PDE4C: variants seen among roughly 807,000 people sequenced by gnomAD.
PDE4C encodes the protein 3',5'-cyclic-AMP phosphodiesterase 4C.
In PDE4C, 50 loss-of-function variants were observed where a neutral mutation model predicts 63.9. The observed-to-expected ratio is 0.78, with a 90% confidence interval of 0.62 to 0.99. The LOEUF is 0.99. Ranked by LOEUF, PDE4C falls within the 50% of genes least tolerant of loss-of-function variation. The probability of loss-of-function intolerance (pLI) is 0.00; values close to 1 mark genes in which losing one functional copy is unlikely to be tolerated. For synonymous variants in PDE4C, 377 were observed against 385.1 expected, an observed-to-expected ratio of 0.98 and a Z score of 0.25; for missense variants, 777 against 899.1, an observed-to-expected ratio of 0.86 and a Z score of 1.74.
At chr19:18,216,701 C>G (rs2148014074) in intron 12 of PDE4C, 40 bp downstream of exon 12, 1 of 1,534,820 alleles carries the variant, frequency 6.5e-7, no homozygotes, top group East Asian at 2.3e-5. Context: ...TGCCCCGCTC[C>G]CCTCTGCCCC....
chr19:18,246,169 C>T (rs1969127381), intron 1 of PDE4C, among the ~76,000 whole-genome samples: 1 of 148,934 alleles, frequency 6.7e-6, no homozygotes, highest in South Asian at 2.2e-4. Flanking sequence ...GTGCCCGCCA[C>T]CACACCAGGC....
chr19:18,230,098 C>T (rs1968819987), upstream of PDE4C, among the ~76,000 whole-genome samples: 1 of 152,140 alleles, frequency 6.6e-6, no homozygotes, highest in Non-Finnish European at 1.5e-5. Flanking sequence ...GCCATGGATA[C>T]AACTTCACAT....
intron 1 of PDE4C, chr19:18,224,268 G>C: frequency 1.0e-6 from 1 of 985,546 alleles, no homozygotes; most frequent in Non-Finnish European, 1.2e-6. Flanking sequence ...GCAGGCGGAA[G>C]CGGCACCGAC....
intron 11 of PDE4C, 49 bp from the exon 12 acceptor site, chr19:18,216,944 C>G (rs767925992): frequency 1.3e-6 from 2 of 1,544,778 alleles, no homozygotes; most frequent in Admixed American, 2.0e-5. Flanking sequence ...GCCCCACCCA[C>G]TCTACCCAAA....
upstream of PDE4C, among the ~76,000 whole-genome samples, chr19:18,234,512 T>G (rs1283304061): frequency 1.3e-5 from 2 of 152,078 alleles, no homozygotes; most frequent in Admixed American, 6.6e-5. Flanking sequence ...GAAGTAGGCA[T>G]GAACAGCAGC....
intron 11 of PDE4C, chr19:18,217,169 TTC>T: frequency 1.1e-5 from 3 of 274,004 alleles, no homozygotes; most frequent in Non-Finnish European, 6.9e-6. Flanking sequence ...TTTTTTTTTT[TTC>T]TTTTTCTTTT....
upstream of PDE4C, chr19:18,226,535 G>C (rs1288035074): frequency 1.1e-5 from 8 of 718,356 alleles, no homozygotes; most frequent in South Asian, 2.1e-4. Flanking sequence ...CCTCGAGGCC[G>C]GCGGCTCCCT....
At chr19:18,254,170 G>C in the PDE4C span, among the ~76,000 whole-genome samples, 1 of 152,178 alleles carries the variant, frequency 6.6e-6, no homozygotes, top group Non-Finnish European at 1.5e-5. Flanking sequence ...AGTAGCAGAG[G>C]GTCTGGCCTG....
At chr19:18,251,900 T>G (rs759708064), upstream of PDE4C, among the ~76,000 whole-genome samples, 21 of 151,806 alleles carry the variant, frequency 1.4e-4, no homozygotes, top group Admixed American at 2.6e-4. Flanking sequence ...ACTAGGCACT[T>G]AATAAATGCG....
At chr19:18,212,185 AT>A (rs59840923) in intron 13 of PDE4C, among the ~76,000 whole-genome samples, 90,925 of 147,978 alleles carry the variant, frequency 0.61, 28,660 homozygotes, top group Non-Finnish European at 0.7. Flanking sequence ...GCCCTCTCCG[AT>A]TTTTTTTTTT....
intron 1 of PDE4C, chr19:18,225,801 G>C: frequency 6.3e-6 from 1 of 159,160 alleles, no homozygotes; most frequent in East Asian, 1.9e-4. Context: ...TGGACACCCA[G>C]AGTTCATTGT....
the PDE4C span, among the ~76,000 whole-genome samples, chr19:18,253,887 G>A: frequency 1.3e-5 from 2 of 152,192 alleles, no homozygotes; most frequent in African/African-American, 4.8e-5. Context: ...GGGCCTCTTA[G>A]GCACTTACAA....
At chr19:18,239,255 C>A (rs929587939) in intron 1 of PDE4C, among the ~76,000 whole-genome samples, 2 of 152,144 alleles carry the variant, frequency 1.3e-5, no homozygotes, top group Admixed American at 6.5e-5. Context: ...GCTTCAGTGC[C>A]GAGTTCCTTG....
chr19:18,247,186 G>A (rs370644264), intron 1 of PDE4C, among the ~76,000 whole-genome samples: 2 of 152,242 alleles, frequency 1.3e-5, no homozygotes, highest in East Asian at 3.8e-4. Flanking sequence ...CCCAAAAGCA[G>A]TGGCCACAGC....
the PDE4C span, among the ~76,000 whole-genome samples, chr19:18,254,097 G>C: frequency 6.6e-6 from 1 of 152,192 alleles, no homozygotes; most frequent in South Asian, 2.1e-4. Context: ...GCTGAGTCTA[G>C]AAGAGGCATG....
chr19:18,231,518 C>T (rs1416621846), intron 1 of PDE4C, among the ~76,000 whole-genome samples: 1 of 152,198 alleles, frequency 6.6e-6, no homozygotes, highest in Non-Finnish European at 1.5e-5. Flanking sequence ...AACCATCTAC[C>T]CCAGATGCCT....
intron 12 of PDE4C, among the ~76,000 whole-genome samples, chr19:18,214,948 C>CAAA (rs34534126): frequency 3.9e-5 from 4 of 102,316 alleles, no homozygotes; most frequent in Middle Eastern, 5.1e-3. Context: ...GACTCCATTT[C>CAAA]AAAAAAAAAA....
intron 1 of PDE4C, among the ~76,000 whole-genome samples, chr19:18,247,106 C>CG (rs1969147012): frequency 6.6e-6 from 1 of 152,156 alleles, no homozygotes; most frequent in East Asian, 1.9e-4. Flanking sequence ...TGCTCAGGCC[C>CG]GGGGGCAGCC....
At chr19:18,222,230 C>G (rs144076818) in exon 2 of PDE4C, 1 of 1,614,084 alleles carries the variant, frequency 6.2e-7, no homozygotes. Flanking sequence ...GCTGGCTGTG[C>G]GGGACTGGAG....
Sources: allele counts gnomAD v4.1 joint callset (sites outside exome capture counted in the v4.1 genomes callset), GRCh38; gene constraint gnomAD v4.1.1; transcripts MANE v1.5; gene names NCBI Gene and HGNC (gene_info 2026-07-23, HGNC 2026-07-21).